RIF1: variants seen among roughly 807,000 people sequenced by gnomAD.
The protein encoded by RIF1 is replication timing regulatory factor 1.
In RIF1, 45 loss-of-function variants were observed where a neutral mutation model predicts 247.1. That is an observed-to-expected ratio of 0.18 (90% CI 0.14 to 0.23). The LOEUF is 0.23. Among genes scored for constraint, RIF1 ranks in the 10% least tolerant of loss-of-function variants. RIF1 has a pLI of 1.00. For synonymous variants in RIF1, 1,087 were observed against 978.8 expected, an observed-to-expected ratio of 1.11 and a Z score of -2.06; for missense variants, 2,967 against 2,862.5, an observed-to-expected ratio of 1.04 and a Z score of -0.83.
At chr2:151,514,994 C>T in the RIF1 span, 6 of 1,006,384 alleles carry the variant, frequency 6.0e-6, no homozygotes, top group Admixed American at 2.5e-5. Context: ...CTCTCCATCT[C>T]AGGAAGAAAA....
intron 11 of RIF1, 52 bp downstream of exon 11, chr2:151,435,632 C>A: frequency 2.1e-6 from 2 of 963,830 alleles, no homozygotes; most frequent in Non-Finnish European, 3.3e-6. Context: ...CTTTGTTGAC[C>A]TAGAAGCATA....
chr2:151,490,592 A>G, intron 9 of RIF1: 1 of 1,512,690 alleles, frequency 6.6e-7, no homozygotes, highest in Non-Finnish European at 9.0e-7. Context: ...CAGTGATTGA[A>G]TCTCAGTTAT....
chr2:151,512,131 C>T (rs868169252), downstream of RIF1, among the ~76,000 whole-genome samples: 13 of 149,196 alleles, frequency 8.7e-5, no homozygotes, highest in South Asian at 2.1e-4. Context: ...CCCGGGTTCA[C>T]GCCATTCTCC....
chr2:151,420,815 A>T (rs1688045071), intron 7 of RIF1, among the ~76,000 whole-genome samples: 1 of 152,088 alleles, frequency 6.6e-6, no homozygotes, highest in African/African-American at 2.4e-5. Context: ...TTGAATCAAA[A>T]CCTTAAGAGT....
chr2:151,512,919 C>T, downstream of RIF1: 1 of 912,142 alleles, frequency 1.1e-6, no homozygotes, highest in Non-Finnish European at 1.7e-6. Context: ...AGAGGTGAGC[C>T]ATATTTCTTT....
Position 151,437,260 on chromosome 2 carries a change from A to C in RIF1, c.1392A>C (p.Leu464Phe). 2.5e-6 allele frequency: 4 copies of C among 1,612,538 alleles called. No individual in the cohort carries two copies. Among genetic ancestry groups the C allele is most frequent in the Non-Finnish European group, 3.4e-6 (4 of 1,178,566 alleles). ...VLSLEPLEHP[L>F]ISSPSFFSKH... ...TTTCAGAGCCATTGGAACATCCGTT[A>C]ATCAGCAGCCCTTCCTTTTTTTCCA... The change falls in exon 13 of 36, where the codon TTA becomes TTC. Residue 464 changes from leucine (L) to phenylalanine (F), a missense_variant. Leu to Phe is a conservative substitution (Grantham distance 22). Transcript: ENST00000444746.
At chr2:151,449,845 T>G (rs772218871) in intron 20 of RIF1, among the ~76,000 whole-genome samples, 4,391 of 24,864 alleles carry the variant, frequency 0.18, 110 homozygotes, top group East Asian at 0.42. Flanking sequence ...CTTTGATGCC[T>G]TTTTTTTTTT....
chr2:151,521,646 T>C, the RIF1 span, among the ~76,000 whole-genome samples: 3 of 152,216 alleles, frequency 2.0e-5, no homozygotes, highest in Non-Finnish European at 2.9e-5. Flanking sequence ...AAGTCCTCCT[T>C]CTGTCTTTTA....
intron 9 of RIF1, chr2:151,492,073 C>T: frequency 6.2e-7 from 1 of 1,610,972 alleles, no homozygotes; most frequent in Non-Finnish European, 8.5e-7. Context: ...AAGTTAATCC[C>T]CTCCCCCAAC....
chr2:151,436,245 A>G (rs898362200), intron 11 of RIF1, among the ~76,000 whole-genome samples: 13 of 151,974 alleles, frequency 8.6e-5, no homozygotes, highest in African/African-American at 2.9e-4. Context: ...AAAATAAAAC[A>G]AAAACAACAC....
chr2:151,466,128 G>C lies in RIF1; in HGVS notation c.6600+8G>C. 1 of 1,510,824 alleles carries C rather than the reference G, an allele frequency of 6.6e-7. No homozygotes were observed. Among genetic ancestry groups the C allele is most frequent in the East Asian group, 2.3e-5 (1 of 43,986 alleles). The allele number at this position is 1,510,824 out of a possible 1,614,324, so 93.6% of individuals were successfully genotyped here. A position where few individuals can be genotyped will look rare whatever the true frequency, so the allele number is the denominator to read the frequency against. The stretch of plus-strand genomic sequence containing the variant: ...TCATCACCTGTTAATAAGGTAAGGG[G>C]AATGAGGCTAAATATTAAGGAACCC... On this transcript the variant is annotated splice_region_variant and intron_variant, in intron 30 of 35. Coordinates refer to ENST00000444746, the MANE Select transcript of RIF1 (RefSeq NM_018151.5).
downstream of RIF1, chr2:151,508,104 C>T: frequency 6.2e-7 from 1 of 1,600,652 alleles, no homozygotes; most frequent in Non-Finnish European, 8.5e-7. Context: ...CTTCCTTGTA[C>T]TTTTTCTGGG....
rs975358675 is a variant in RIF1, at chr2:151,427,077, C to CT, written c.787-1697dup. On this transcript the variant is annotated intron_variant, in intron 8 of 35. Coordinates refer to ENST00000444746, the MANE Select transcript of RIF1 (RefSeq NM_018151.5). Reference sequence around the variant, plus strand: ...CTTGTGTGTTTTTTATTTTCTAAACCTTTTTTTTTTGTTACCGGTTTATAG... The same window carrying CT: ...CTTGTGTGTTTTTTATTTTCTAAACCTTTTTTTTTTTGTTACCGGTTTATAG... Among the ~76,000 whole-genome samples the CT allele has an allele frequency of 5.4e-4, 80 of 146,942 alleles. 1 individual carries two copies. Among genetic ancestry groups the CT allele is most frequent in the Middle Eastern group, 3.6e-3 (1 of 280 alleles).
chr2:151,446,335 T>G, intron 19 of RIF1, 91 bp from the exon 20 acceptor site: 1 of 1,249,876 alleles, frequency 8.0e-7, no homozygotes. Context: ...TGTTGCAGTG[T>G]TTTTAAAAAA....
chr2:151,526,040 T>A, the RIF1 span: 1 of 1,613,944 alleles, frequency 6.2e-7, no homozygotes, highest in Admixed American at 1.7e-5. Context: ...CTGTGCCAAG[T>A]GCTTCTTGAC....
At chr2:151,499,431 T>A in exon 11 of RIF1, 2 of 1,115,406 alleles carry the variant, frequency 1.8e-6, no homozygotes, top group Non-Finnish European at 2.6e-6. Context: ...ACAAGAGCAG[T>A]CAAAACAGCC....
intron 16 of RIF1, 36 bp from the exon 17 acceptor site, chr2:151,443,223 T>C: frequency 8.0e-7 from 1 of 1,249,034 alleles, no homozygotes; most frequent in Non-Finnish European, 1.2e-6. Context: ...TTCTATTCTT[T>C]GTAACTGAGA....
chr2:151,414,742 T>G, intron 3 of RIF1, 81 bp from the exon 4 acceptor site: 1 of 883,576 alleles, frequency 1.1e-6, no homozygotes, highest in South Asian at 1.5e-5. Flanking sequence ...TGAATATGCT[T>G]GTTCTGTAAT....
intron 11 of RIF1, among the ~76,000 whole-genome samples, chr2:151,500,064 G>A (rs111835809): frequency 2.6e-5 from 4 of 152,144 alleles, no homozygotes; most frequent in Admixed American, 1.3e-4. Flanking sequence ...TTTGAAAATC[G>A]TTGCAAGCCT....
Sources: gnomAD v4.1 joint callset for allele counts (sites outside exome capture counted in the v4.1 genomes callset) on GRCh38, gnomAD v4.1.1 for gene constraint, MANE v1.5 for transcripts, NCBI Gene and HGNC (gene_info 2026-07-23, HGNC 2026-07-21) for gene names.